Variants in FHOD3 observed in about 807,000 individuals in gnomAD.
FHOD3 encodes the protein FH1/FH2 domain-containing protein 3.
In FHOD3, 90 loss-of-function variants were observed where a neutral mutation model predicts 173.0. The observed-to-expected ratio is 0.52, with a 90% CI of 0.44 to 0.62. FHOD3 has a LOEUF of 0.62. FHOD3 is among the 20% of genes least tolerant of loss of function. FHOD3 has a pLI of 0.00. For synonymous variants in FHOD3, 828 were observed against 823.0 expected, an observed-to-expected ratio of 1.01 and a Z score of -0.10; for missense variants, 1,945 against 2,034.7, an observed-to-expected ratio of 0.96 and a Z score of 0.85.
chr18:36,775,297 G>A (rs1229649334), intron 28 of FHOD3, among the ~76,000 whole-genome samples: 1 of 152,214 alleles, frequency 6.6e-6, no homozygotes, highest in Non-Finnish European at 1.5e-5. Flanking sequence ...TGCTGCAAAG[G>A]TGAAAGCGCA....
intron 3 of FHOD3, among the ~76,000 whole-genome samples, chr18:36,383,027 G>A (rs2047867824): frequency 6.6e-6 from 1 of 152,178 alleles, no homozygotes; most frequent in Non-Finnish European, 1.5e-5. Context: ...GGGAGACTTG[G>A]TCTGCCACAC....
At chr18:36,341,499 C>T (rs16967772) in intron 1 of FHOD3, among the ~76,000 whole-genome samples, 9,642 of 152,112 alleles carry the variant, frequency 0.063, 996 homozygotes, top group African/African-American at 0.21. Flanking sequence ...TGTTCATGAG[C>T]GGCAGGTGCA....
Position 36,718,704 on chromosome 18 carries a change from T to C in FHOD3, c.3406T>C (p.Ser1136Pro). ...GTTTGAGTCTAAATCCAAGGAACTG[T>C]CTGTCTCAAAGGTACTGCTAGTCTT... is the stretch of plus-strand genomic sequence containing the variant. ...HLFESKSKEL[S>P]VSKKTAADGK... The change falls in exon 19 of 29, where the codon TCT becomes CCT. Residue 1136 changes from serine to proline, a missense_variant. Ser to Pro is a moderately conservative substitution (Grantham distance 74). Transcript: ENST00000590592. The C allele has an allele frequency of 6.2e-7, 1 of 1,613,088 alleles. No individual in the cohort carries two copies. The highest frequency in any genetic ancestry group is 8.5e-7 in the Non-Finnish European group (1 of 1,179,258).
chr18:36,486,277 G>A (rs1333664074), intron 3 of FHOD3, among the ~76,000 whole-genome samples: 2 of 152,100 alleles, frequency 1.3e-5, no homozygotes, highest in East Asian at 3.8e-4. Context: ...TTCAGTTTCT[G>A]TGTCACCAGC....
chr18:36,307,008 G>A (rs1293476518), intron 1 of FHOD3, among the ~76,000 whole-genome samples: 7 of 152,156 alleles, frequency 4.6e-5, no homozygotes, highest in Non-Finnish European at 1.0e-4. Flanking sequence ...CTGTCGCCCA[G>A]GCTGGCATGC....
At position 36,717,999 on chromosome 18, in the gene FHOD3, G is replaced by T; in HGVS notation, c.2701G>T (p.Ala901Ser). The T allele has an allele frequency of 6.2e-7, 1 of 1,611,844 alleles. No individual in the cohort carries two copies. Among genetic ancestry groups the T allele is most frequent in the Non-Finnish European group, 8.5e-7 (1 of 1,178,914 alleles). ...TGGGAGGACCCAGCAGGAGGCAGAG[G>T]CGGTAGCCAGCCTTGCTACCAGGAT... ...EAGRTQQEAE[A>S]VASLATRIST... is the part of the protein sequence containing the mutation. The change falls in exon 19 of 29, where the codon GCG becomes TCG. Residue 901 changes from alanine to serine, a missense_variant. By Grantham distance (99) the Ala-to-Ser change is moderately conservative (BLOSUM62 1). This residue lies in a region of FHOD3 where 1,099 missense variants were observed against 1,051.2 expected (regional missense o/e 1.05). Coordinates refer to ENST00000590592, the MANE Select transcript of FHOD3 (RefSeq NM_001281740.3).
In FHOD3 at chr18:36,459,489, C is replaced by T. The variant is rs369201054; in HGVS notation, c.338-42443C>T. ...ACCTTGGGGTAGTTGTTATTGGGTCCTCCTATGAAACCTTCATTATGCGGT... is the reference window on the plus strand; with the variant it reads ...ACCTTGGGGTAGTTGTTATTGGGTCTTCCTATGAAACCTTCATTATGCGGT... On this transcript the variant is annotated intron_variant, in intron 3 of 28. Coordinates refer to ENST00000590592, the MANE Select transcript of FHOD3 (RefSeq NM_001281740.3). Among the ~76,000 whole-genome samples, 11 of 152,216 alleles carry T rather than the reference C, an allele frequency of 7.2e-5. 1 individual carries two copies. Among genetic ancestry groups the T allele is most frequent in the Admixed American group, 3.3e-4 (5 of 15,296 alleles).
chr18:36,373,632 C>T (rs140757493), intron 3 of FHOD3, among the ~76,000 whole-genome samples: 2 of 152,180 alleles, frequency 1.3e-5, no homozygotes, highest in African/African-American at 2.4e-5. Flanking sequence ...CTTTGCCTCA[C>T]TCTGCAGCTA....
chr18:36,602,879 T>G (rs2031578004), intron 8 of FHOD3, 111 bp downstream of exon 8: 1 of 822,214 alleles, frequency 1.2e-6, no homozygotes, highest in Non-Finnish European at 2.0e-6. Context: ...TCGTAGCAGA[T>G]ATAATCTGGT....
intron 5 of FHOD3, among the ~76,000 whole-genome samples, chr18:36,554,474 T>A (rs1346609367): frequency 1.6e-5 from 1 of 64,082 alleles, no homozygotes; most frequent in Non-Finnish European, 2.9e-5. Context: ...CATCACACAC[T>A]GGGGCCTGTC....
At chr18:36,475,661 G>A (rs942030582) in intron 3 of FHOD3, among the ~76,000 whole-genome samples, 1 of 151,548 alleles carries the variant, frequency 6.6e-6, no homozygotes, top group African/African-American at 2.4e-5. Context: ...TATATATGAT[G>A]TTAATTTATT....
chr18:36,465,422 G>A (rs2052856557), intron 3 of FHOD3, among the ~76,000 whole-genome samples: 1 of 152,140 alleles, frequency 6.6e-6, no homozygotes, highest in Admixed American at 6.5e-5. Context: ...AAATGACCTG[G>A]GCCTGGACTG....
intron 23 of FHOD3, among the ~76,000 whole-genome samples, chr18:36,745,715 C>A (rs866827939): frequency 6.6e-6 from 1 of 151,522 alleles, no homozygotes; most frequent in South Asian, 2.1e-4. Context: ...TCAGCCCCTC[C>A]CGACCCCGTA....
intron 5 of FHOD3, among the ~76,000 whole-genome samples, chr18:36,530,176 G>A (rs2056722540): frequency 6.6e-6 from 1 of 152,164 alleles, no homozygotes; most frequent in Non-Finnish European, 1.5e-5. Flanking sequence ...TTAGAAAACG[G>A]TATAAAGAGT....
At chr18:36,317,495 A>G (rs1384931857) in intron 1 of FHOD3, among the ~76,000 whole-genome samples, 1 of 151,616 alleles carries the variant, frequency 6.6e-6, no homozygotes, top group Non-Finnish European at 1.5e-5. Flanking sequence ...GCATTTTTTC[A>G]TATGTCTGTT....
At chr18:36,779,132 CT>C in intron 28 of FHOD3, 1 of 377,148 alleles carries the variant, frequency 2.7e-6, no homozygotes, top group Non-Finnish European at 4.9e-6. Flanking sequence ...AGTTCACCCC[CT>C]TCTCAGAAGC....
At chr18:36,768,567 T>C (rs2043238908) in intron 27 of FHOD3, among the ~76,000 whole-genome samples, 1 of 152,148 alleles carries the variant, frequency 6.6e-6, no homozygotes, top group Non-Finnish European at 1.5e-5. Flanking sequence ...CATGTTTTGG[T>C]GATGCTTTCT....
chr18:36,475,749 CAT>C (rs1159407078), intron 3 of FHOD3, among the ~76,000 whole-genome samples: 5 of 102,422 alleles, frequency 4.9e-5, no homozygotes, highest in South Asian at 3.8e-4. Context: ...TATATAGAAA[CAT>C]ACACACACAC....
At chr18:36,497,107 A>C (rs544139435) in intron 3 of FHOD3, among the ~76,000 whole-genome samples, 1 of 152,360 alleles carries the variant, frequency 6.6e-6, no homozygotes, top group South Asian at 2.1e-4. Flanking sequence ...TTATTTGGGA[A>C]CAGTACTACA....
Sources: allele counts gnomAD v4.1 joint callset (sites outside exome capture counted in the v4.1 genomes callset), GRCh38; gene constraint gnomAD v4.1.1; regional missense constraint gnomAD v4.1.1; transcripts MANE v1.5; gene names NCBI Gene and HGNC (gene_info 2026-07-23, HGNC 2026-07-21).